The following NUFIP2 variants were observed in gnomAD, a reference collection of about 807,000 sequenced individuals.
NUFIP2 encodes the protein nuclear FMR1 interacting protein 2.
In NUFIP2, 6 loss-of-function variants were observed where a neutral mutation model predicts 56.9. The observed-to-expected ratio is 0.11, with a 90% confidence interval of 0.06 to 0.21. The LOEUF (loss-of-function observed/expected upper bound fraction) is 0.21, where lower values mean the gene tolerates loss of function less well. Ranked by LOEUF, NUFIP2 falls within the 10% of genes least tolerant of loss-of-function variation. The probability of loss-of-function intolerance (pLI) is 1.00; values close to 1 mark genes in which losing one functional copy is unlikely to be tolerated. For synonymous variants in NUFIP2, 321 were observed against 298.2 expected (o/e 1.08, Z -0.79); for missense variants, 828 against 826.8 (o/e 1.00, Z -0.02).
At chr17:29,282,106 C>T (rs564948812) in intron 2 of NUFIP2, among the ~76,000 whole-genome samples, 62 of 152,068 alleles carry the variant, frequency 4.1e-4, no homozygotes, top group Non-Finnish European at 7.2e-4. Context: ...TTCATACCCT[C>T]AATTGTACTT....
Position 29,287,286 on chromosome 17 carries a change from G to A in NUFIP2, c.708C>T (p.Asn236=). Residue 236 remains asparagine (N), a synonymous_variant, in exon 2 of 4, where the codon AAC becomes AAT. Transcript: ENST00000225388. The part of the protein sequence containing the change: ...ARRNSAKGCE[N]LNIVQDKIMQ... ...TTATTTTGTCCTGCACTATATTAAG[G>A]TTTTCACAACCCTTGGCACTATTGC... 2 of 1,614,072 alleles carry A rather than the reference G, an allele frequency of 1.2e-6. No homozygotes were observed. Among genetic ancestry groups the A allele is most frequent in the South Asian group, 1.1e-5 (1 of 91,072 alleles).
At chr17:29,272,834 C>T (rs1048988630) in intron 2 of NUFIP2, among the ~76,000 whole-genome samples, 1 of 150,166 alleles carries the variant, frequency 6.7e-6, no homozygotes, top group African/African-American at 2.5e-5. Flanking sequence ...ACCTCAGTAA[C>T]TGATTCTTTT....
chr17:29,286,052 C>G lies in NUFIP2; in HGVS notation c.1942G>C (p.Glu648Gln). ...AAAGAACCCCAGCTATCATTCCTTT[C>G]TAGGCCTCTCTGGTATCTCTGTTCT... ...AKEQRYQRGL[E>Q]RNDSWGSFDL... Residue 648 changes from glutamate to glutamine, a missense_variant, in exon 2 of 4, where the codon GAA becomes CAA. Glu to Gln is a conservative substitution (Grantham distance 29). Around this residue, in one of 3 missense-constraint regions of NUFIP2, gnomAD observed 404 missense variants for 380.3 expected, o/e 1.06. Transcript: ENST00000225388. The G allele has an allele frequency of 6.2e-7, 1 of 1,614,154 alleles. No homozygotes were observed. Among genetic ancestry groups the G allele is most frequent in the South Asian group, 1.1e-5 (1 of 91,088 alleles).
chr17:29,267,499 T>C lies in NUFIP2; in HGVS notation c.2034A>G (p.Gln678=). The C allele has an allele frequency of 9.2e-6, 14 of 1,524,140 alleles. No homozygotes were observed. Among genetic ancestry groups the C allele is most frequent in the Non-Finnish European group, 1.3e-5 (14 of 1,109,626 alleles). The allele number at this position is 1,524,140 out of a possible 1,614,324, so 94.4% of individuals were successfully genotyped here. A position where few individuals can be genotyped will look rare whatever the true frequency, so the allele number is the denominator to read the frequency against. ...EMESIWNLQK[Q]DPKRIITYNE... Reference sequence around the variant, plus strand: ...TTTAAGTAATCTAATCATTCTTACCTTGCTTCTGCAAATTCCAAATAGATT... The same window carrying C: ...TTTAAGTAATCTAATCATTCTTACCCTGCTTCTGCAAATTCCAAATAGATT... The change falls in exon 3 of 4, where the codon CAA becomes CAG. Residue 678 remains glutamine (Q), a splice_region_variant and synonymous_variant. Coordinates refer to ENST00000225388, the MANE Select transcript of NUFIP2 (RefSeq NM_020772.3).
chr17:29,272,397 A>C (rs1567677224), intron 2 of NUFIP2, among the ~76,000 whole-genome samples: 3 of 151,844 alleles, frequency 2.0e-5, no homozygotes, highest in Middle Eastern at 6.8e-3. Context: ...CATGCCACCA[A>C]GCCCGGCTAA....
chr17:29,267,572 G>C, intron 2 of NUFIP2, 42 bp from the exon 3 acceptor site: 1 of 1,260,362 alleles, frequency 7.9e-7, no homozygotes, highest in Non-Finnish European at 1.1e-6. Flanking sequence ...GTTTTGGTGA[G>C]CAAAGTCTGA....
At chr17:29,273,577 A>G in intron 2 of NUFIP2, among the ~76,000 whole-genome samples, 1 of 152,188 alleles carries the variant, frequency 6.6e-6, no homozygotes, top group East Asian at 1.9e-4. Flanking sequence ...GAGTGATCAC[A>G]GCATCTAATT....
At chr17:29,272,142 A>G (rs940401218) in intron 2 of NUFIP2, among the ~76,000 whole-genome samples, 1 of 151,150 alleles carries the variant, frequency 6.6e-6, no homozygotes, top group Admixed American at 6.6e-5. Context: ...AACAAATGAC[A>G]TTATCGATAG....
At chr17:29,268,823 C>T (rs916472341) in intron 2 of NUFIP2, among the ~76,000 whole-genome samples, 1 of 152,092 alleles carries the variant, frequency 6.6e-6, no homozygotes, top group African/African-American at 2.4e-5. Context: ...GCCACCACAC[C>T]CAGCCCTAAC....
In NUFIP2 at chr17:29,294,076, T is replaced by A; in HGVS notation, c.-17A>T. The A allele has an allele frequency of 6.3e-7, 1 of 1,580,436 alleles. No homozygotes were observed. Among genetic ancestry groups the A allele is most frequent in the Non-Finnish European group, 8.6e-7 (1 of 1,160,628 alleles). ...CTCCTCCATTGAAAGCGGCTGGGAC[T>A]CCCTGGCTGAGGCTGCGGGCTGCTG... is the stretch of plus-strand genomic sequence containing the variant. On this transcript the variant is annotated 5_prime_UTR_variant, in exon 1 of 4. Transcript: ENST00000225388.
intron 2 of NUFIP2, among the ~76,000 whole-genome samples, chr17:29,280,560 C>T (rs1478922911): frequency 6.6e-6 from 1 of 152,062 alleles, no homozygotes; most frequent in Non-Finnish European, 1.5e-5. Context: ...GTAGCGCAAA[C>T]CTATGGTCCC....
Position 29,286,210 on chromosome 17 carries a change from G to C in NUFIP2, c.1784C>G (p.Pro595Arg). The C allele has an allele frequency of 6.2e-7, 1 of 1,613,964 alleles. No individual in the cohort carries two copies. The highest frequency in any genetic ancestry group is 8.5e-7 in the Non-Finnish European group (1 of 1,179,958). Residue 595 changes from proline to arginine, a missense_variant, in exon 2 of 4, where the codon CCC (proline) becomes CGC (arginine). This residue lies in a region of NUFIP2 where 404 missense variants were observed against 380.3 expected (regional missense o/e 1.06). Transcript: ENST00000225388. Reference protein sequence around the residue: ...TSESGALSLEPSHIGDLQKAD... With the variant: ...TSESGALSLERSHIGDLQKAD... The stretch of plus-strand genomic sequence containing the variant: ...TTTCTGCAGGTCACCTATATGACTG[G>C]GTTCCAAGGATAAGGCTCCACTCTC...
intron 2 of NUFIP2, among the ~76,000 whole-genome samples, chr17:29,268,071 G>A (rs906461337): frequency 6.6e-5 from 10 of 151,942 alleles, no homozygotes; most frequent in Non-Finnish European, 1.0e-4. Context: ...GCTAATTTTT[G>A]TATTTTTAGT....
At chr17:29,288,304 C>A (rs7207477) in intron 1 of NUFIP2, among the ~76,000 whole-genome samples, 2 of 152,168 alleles carry the variant, frequency 1.3e-5, no homozygotes, top group Non-Finnish European at 2.9e-5. Context: ...CTCGGCCTCC[C>A]GAAGTGCTAG....
chr17:29,281,536 G>A (rs1368533917), intron 2 of NUFIP2, among the ~76,000 whole-genome samples: 1 of 150,758 alleles, frequency 6.6e-6, no homozygotes, highest in Non-Finnish European at 1.5e-5. Context: ...TATATAAAAA[G>A]CTAAAAGAGG....
At chr17:29,282,866 T>TA (rs35610952) in intron 2 of NUFIP2, among the ~76,000 whole-genome samples, 42 of 147,994 alleles carry the variant, frequency 2.8e-4, no homozygotes, top group African/African-American at 7.4e-4. Flanking sequence ...GAGTTAACTT[T>TA]AAAAAAAAAA....
At position 29,263,547 on chromosome 17, in the gene NUFIP2, G is replaced by A. The variant is rs1368983630; in HGVS notation, c.*992C>T. On this transcript the variant is annotated 3_prime_UTR_variant, in exon 4 of 4. Coordinates refer to ENST00000225388, the MANE Select transcript of NUFIP2 (RefSeq NM_020772.3). ...GAAATTAAAAGATAATTTACAGAAAGGTCTAAGTTTGTCTTAAATGTTTGA... is the reference window on the plus strand; with the variant it reads ...GAAATTAAAAGATAATTTACAGAAAAGTCTAAGTTTGTCTTAAATGTTTGA... 3 of 152,492 alleles carry A rather than the reference G, an allele frequency of 2.0e-5. No individual in the cohort carries two copies. The highest frequency in any genetic ancestry group is 7.2e-5 in the African/African-American group (3 of 41,400). 9.4% of individuals were successfully genotyped at this position (152,492 alleles called of 1,614,324 possible).
rs1481341719 is a variant in NUFIP2 at position 29,257,636 on chromosome 17, A to G, written c.*6903T>C. ...TTTAACAAAATTTTTAAAGTTGGAA[A>G]GAGCTGATAACTTGGATCATAGCTC... On this transcript the variant is annotated 3_prime_UTR_variant, in exon 4 of 4. Coordinates refer to ENST00000225388, the MANE Select transcript of NUFIP2 (RefSeq NM_020772.3). 3 of 152,210 alleles carry G rather than the reference A, an allele frequency of 2.0e-5. No individual in the cohort carries two copies. Among genetic ancestry groups the G allele is most frequent in the Non-Finnish European group, 4.4e-5 (3 of 68,022 alleles). 9.4% of individuals were successfully genotyped at this position (152,210 alleles called of 1,614,324 possible). A position where few individuals can be genotyped will look rare whatever the true frequency, so the allele number is the denominator to read the frequency against.
rs1213568565 is a variant in NUFIP2, at chr17:29,293,913, A to G, written c.147T>C (p.His49=). The change falls in exon 1 of 4, where the codon CAT becomes CAC. Residue 49 remains histidine (H), a synonymous_variant. Coordinates refer to ENST00000225388, the MANE Select transcript of NUFIP2 (RefSeq NM_020772.3). ...YNHSHNHHHH[H]HHQQPHQYLQ... is the part of the protein sequence containing the mutation. ...GGTATTGGTGAGGCTGCTGGTGATG[A>G]TGGTGGTGGTGGTGGTTGTGGCTGT... The G allele has an allele frequency of 2.0e-5, 32 of 1,613,094 alleles. No individual in the cohort carries two copies. The highest frequency in any genetic ancestry group is 2.6e-5 in the Non-Finnish European group (31 of 1,179,596).
Sources: gnomAD v4.1 joint callset for allele counts (sites outside exome capture counted in the v4.1 genomes callset) on GRCh38, gnomAD v4.1.1 for gene constraint, gnomAD v4.1.1 regional missense constraint, MANE v1.5 for transcripts, NCBI Gene and HGNC (gene_info 2026-07-23, HGNC 2026-07-21) for gene names.